The following CDH12 variants were observed in gnomAD, a reference collection of about 807,000 sequenced individuals.
CDH12 encodes cadherin-12.
CDH12 carries 41 observed loss-of-function variants against 74.1 expected under a neutral mutation model. The observed-to-expected ratio is 0.55, with a 90% CI of 0.43 to 0.72. The LOEUF (loss-of-function observed/expected upper bound fraction) is 0.72. CDH12 is among the 30% of genes least tolerant of loss of function. The pLI, the probability that CDH12 is intolerant of heterozygous loss-of-function variation, is 0.00. For synonymous variants in CDH12, 399 were observed against 355.0 expected (o/e 1.12, Z -1.39); for missense variants, 945 against 977.2 (o/e 0.97, Z 0.44).
intron 3 of CDH12, among the ~76,000 whole-genome samples, chr5:22,343,585 T>A (rs374939932): frequency 6.6e-6 from 1 of 151,984 alleles, no homozygotes. Context: ...GCCCAGCTAA[T>A]TTTTTTGTAT....
chr5:22,406,356 T>C (rs1580614671), intron 2 of CDH12, among the ~76,000 whole-genome samples: 2 of 152,262 alleles, frequency 1.3e-5, no homozygotes, highest in South Asian at 4.1e-4. Context: ...ATCTCTTCAC[T>C]ACCCTAACTT....
chr5:22,064,520 G>A (rs2150209567), intron 5 of CDH12, among the ~76,000 whole-genome samples: 1 of 152,196 alleles, frequency 6.6e-6, no homozygotes, highest in Non-Finnish European at 1.5e-5. Context: ...TCTCTTTCCA[G>A]TAGTAAAGAC....
intron 3 of CDH12, among the ~76,000 whole-genome samples, chr5:22,350,600 T>C (rs1740319108): frequency 6.6e-6 from 1 of 152,186 alleles, no homozygotes; most frequent in Admixed American, 6.5e-5. Context: ...AGGACCTTAT[T>C]TACTAAAGAA....
chr5:21,761,662 C>G (rs894993027), intron 12 of CDH12, among the ~76,000 whole-genome samples: 7 of 151,844 alleles, frequency 4.6e-5, no homozygotes, highest in African/African-American at 9.7e-5. Context: ...TGACTATGAT[C>G]TATGTTCCTG....
rs1342525086 is a variant in CDH12 at position 21,758,199 on chromosome 5, C to T, written c.1634-2357G>A. On this transcript the variant is annotated intron_variant, in intron 13 of 14. Coordinates refer to ENST00000382254, the MANE Select transcript of CDH12 (RefSeq NM_004061.5). ...TGTGACATAACATTATAAATATTTCCCCCTTTTTTATAAGTGTTTCAGTCT... is the reference window on the plus strand; with the variant it reads ...TGTGACATAACATTATAAATATTTCTCCCTTTTTTATAAGTGTTTCAGTCT... Among the ~76,000 whole-genome samples the T allele has an allele frequency of 2.0e-5, 3 of 152,096 alleles. 1 individual carries two copies. In the East Asian group the frequency reaches 5.8e-4, roughly 29 times the overall value.
intron 5 of CDH12, among the ~76,000 whole-genome samples, chr5:22,028,065 G>C (rs1323471409): frequency 6.6e-6 from 1 of 151,938 alleles, no homozygotes; most frequent in Non-Finnish European, 1.5e-5. Flanking sequence ...CCTTCATTTC[G>C]TTATGTACCC....
At chr5:22,489,699 T>TC (rs2126638313) in intron 2 of CDH12, among the ~76,000 whole-genome samples, 1 of 149,882 alleles carries the variant, frequency 6.7e-6, no homozygotes, top group East Asian at 2.0e-4. Flanking sequence ...ACTTTTTTTT[T>TC]TTTTTTTTTT....
intron 1 of CDH12, among the ~76,000 whole-genome samples, chr5:22,647,093 C>T (rs1028748492): frequency 1.6e-4 from 25 of 151,748 alleles, no homozygotes; most frequent in African/African-American, 5.8e-4. Context: ...GACCCACATT[C>T]ACTCTAAGCA....
chr5:22,223,443 G>T (rs956124400), intron 3 of CDH12, among the ~76,000 whole-genome samples: 2 of 152,012 alleles, frequency 1.3e-5, no homozygotes, highest in South Asian at 4.1e-4. Context: ...ATTTTTGCTG[G>T]TTTGGTTCAC....
rs140084759 is a variant in CDH12, at chr5:22,406,835, C to T, written c.-427-1484G>A. 2.0e-5 allele frequency among the ~76,000 whole-genome samples: 3 copies of T among 152,120 alleles called. No individual in the cohort carries two copies. The East Asian group carries it at 5.8e-4, about 29-fold the overall frequency. ...ACAATATGGGGAACAATATGCATCA[C>T]AGTTGAAAGAATCCAAACTTGTAAT... On this transcript the variant is annotated intron_variant, in intron 2 of 14. Coordinates refer to ENST00000382254, the MANE Select transcript of CDH12 (RefSeq NM_004061.5).
chr5:21,832,565 G>T (rs1455557725), intron 8 of CDH12, among the ~76,000 whole-genome samples: 1 of 151,046 alleles, frequency 6.6e-6, no homozygotes, highest in East Asian at 1.9e-4. Flanking sequence ...ATATATGAGT[G>T]TCTGTTTGTT....
intron 2 of CDH12, among the ~76,000 whole-genome samples, chr5:22,448,328 CAA>C (rs57254902): frequency 6.8e-6 from 1 of 147,022 alleles, no homozygotes; most frequent in Non-Finnish European, 1.5e-5. Flanking sequence ...TCACTCGATG[CAA>C]AAAAAAAATA....
chr5:22,395,248 T>C (rs1742406618), intron 3 of CDH12, among the ~76,000 whole-genome samples: 1 of 152,004 alleles, frequency 6.6e-6, no homozygotes, highest in South Asian at 2.1e-4. Flanking sequence ...AGTATGACCA[T>C]GGAGGCAGAG....
rs183632681 is a variant in CDH12 at position 21,772,705 on chromosome 5, A to C, written c.1394-7606T>G. ...TATGATATAGTATATGATGTCAACA[A>C]GATAACAATTCCATGTAAAAACATT... On this transcript the variant is annotated intron_variant, in intron 11 of 14. Coordinates refer to ENST00000382254, the MANE Select transcript of CDH12 (RefSeq NM_004061.5). Among the ~76,000 whole-genome samples, 744 of 152,316 alleles carry C rather than the reference A, an allele frequency of 4.9e-3. 8 individuals are homozygous for C. Among genetic ancestry groups the C allele is most frequent in the Non-Finnish European group, 6.3e-3 (427 of 68,020 alleles).
At chr5:22,714,095 G>A (rs1743439986) in intron 1 of CDH12, among the ~76,000 whole-genome samples, 1 of 152,004 alleles carries the variant, frequency 6.6e-6, no homozygotes, top group Non-Finnish European at 1.5e-5. Flanking sequence ...TATTACAATT[G>A]TCTGTTTCTA....
At chr5:22,391,203 C>A (rs2126418628) in intron 3 of CDH12, among the ~76,000 whole-genome samples, 1 of 152,196 alleles carries the variant, frequency 6.6e-6, no homozygotes. Flanking sequence ...GAGGTTTTCA[C>A]AATGAAGTGA....
chr5:22,021,756 C>T (rs369420930), intron 5 of CDH12, among the ~76,000 whole-genome samples: 1 of 152,162 alleles, frequency 6.6e-6, no homozygotes. Context: ...ATTGTGTTGG[C>T]TTGATCAATC....
intron 1 of CDH12, among the ~76,000 whole-genome samples, chr5:22,801,259 T>C (rs1748494960): frequency 1.3e-5 from 2 of 152,170 alleles, no homozygotes; most frequent in African/African-American, 2.4e-5. Flanking sequence ...AGTGGTTCCA[T>C]AGACTTTTAA....
intron 5 of CDH12, among the ~76,000 whole-genome samples, chr5:22,009,425 C>T (rs549023346): frequency 2.4e-4 from 37 of 152,274 alleles, no homozygotes; most frequent in Admixed American, 5.2e-4. Flanking sequence ...TTCCTGTCTT[C>T]TCTGGCACCT....
Sources: allele counts gnomAD v4.1 joint callset (sites outside exome capture counted in the v4.1 genomes callset), GRCh38; gene constraint gnomAD v4.1.1; transcripts MANE v1.5; gene names NCBI Gene and HGNC (gene_info 2026-07-23, HGNC 2026-07-21).